EIF3A: variants seen among roughly 807,000 people sequenced by gnomAD.
EIF3A encodes eukaryotic translation initiation factor 3 subunit A.
In EIF3A, 21 loss-of-function variants were observed where a neutral mutation model predicts 186.6. The ratio of observed to expected loss-of-function variants is 0.11; its 90% confidence interval spans 0.08 to 0.16. The LOEUF is 0.16. Among genes scored for constraint, EIF3A ranks in the 10% least tolerant of loss-of-function variants. The pLI is 1.00. For missense variants in EIF3A, 1,306 were observed against 1,796.3 expected (o/e 0.73, Z 4.93); for synonymous variants, 563 against 584.3 (o/e 0.96, Z 0.52).
intron 6 of EIF3A, 37 bp from the exon 7 acceptor site, chr10:119,065,607 A>G (rs1277949347): frequency 9.6e-6 from 14 of 1,465,540 alleles, no homozygotes; most frequent in Non-Finnish European, 1.3e-5. Flanking sequence ...TTAGGTTTGT[A>G]AATGATACTT....
rs778067407 is a variant in EIF3A, at chr10:119,059,417, A to T, written c.1444-20T>A. On this transcript the variant is annotated intron_variant, in intron 10 of 21. Coordinates refer to ENST00000369144, the MANE Select transcript of EIF3A (RefSeq NM_003750.4). ...ACGAACCTTTGAAAATTAAATTATC[A>T]ATGGTTAAATCCACAAGTAAGCATG... The T allele has an allele frequency of 2.5e-5, 38 of 1,514,468 alleles. No homozygotes were observed. The South Asian group carries it at 4.5e-4, about 18-fold the overall frequency. 93.8% of individuals were successfully genotyped at this position (1,514,468 alleles called of 1,614,324 possible).
At chr10:119,038,580 G>A (rs1367685719) in intron 19 of EIF3A, 141 bp from the exon 20 acceptor site, 1 of 695,582 alleles carries the variant, frequency 1.4e-6, no homozygotes, top group African/African-American at 1.8e-5. Context: ...TACTAAAGCT[G>A]TGTACATCAC....
intron 8 of EIF3A, 126 bp from the exon 9 acceptor site, chr10:119,060,970 T>C: frequency 1.5e-6 from 1 of 676,142 alleles, no homozygotes; most frequent in South Asian, 2.1e-5. Context: ...AAATGTATCA[T>C]GAAGCTACTG....
intron 5 of EIF3A, 81 bp downstream of exon 5, chr10:119,070,805 A>C (rs536515980): frequency 3.1e-6 from 3 of 968,318 alleles, no homozygotes; most frequent in Non-Finnish European, 3.3e-6. Flanking sequence ...ATGCATACCA[A>C]GATGAAGCTA....
chr10:119,038,183 C>G (rs1432413967), intron 20 of EIF3A, 55 bp downstream of exon 20: 2 of 1,477,328 alleles, frequency 1.4e-6, no homozygotes, highest in Non-Finnish European at 1.9e-6. Context: ...GCTGGGATTA[C>G]AGGCATGAGC....
At chr10:119,054,471 T>C (rs997834886) in intron 14 of EIF3A, among the ~76,000 whole-genome samples, 5 of 151,286 alleles carry the variant, frequency 3.3e-5, no homozygotes, top group Admixed American at 2.6e-4. Context: ...TCCCAGCACT[T>C]TGGGAGGCCG....
intron 1 of EIF3A, among the ~76,000 whole-genome samples, chr10:119,077,469 T>C (rs1274602271): frequency 6.6e-6 from 1 of 152,054 alleles, no homozygotes; most frequent in Non-Finnish European, 1.5e-5. Context: ...AAATAAATAG[T>C]TGGAATGGGA....
chr10:119,037,054 C>G (rs549013373), intron 21 of EIF3A, 65 bp downstream of exon 21: 2 of 932,650 alleles, frequency 2.1e-6, no homozygotes, highest in Non-Finnish European at 1.5e-6. Flanking sequence ...AATTAAATAA[C>G]CCAAATCCCC....
intron 10 of EIF3A, 60 bp from the exon 11 acceptor site, chr10:119,059,457 C>A: frequency 7.4e-7 from 1 of 1,350,472 alleles, no homozygotes; most frequent in Non-Finnish European, 1.0e-6. Flanking sequence ...CAAAAAGTAA[C>A]AGAAGAATGT....
rs1393829422 is a variant in EIF3A, at chr10:119,056,869, A to G, written c.2083-16T>C. On this transcript the variant is annotated splice_polypyrimidine_tract_variant and intron_variant, in intron 13 of 21. Coordinates refer to ENST00000369144, the MANE Select transcript of EIF3A (RefSeq NM_003750.4). Reference sequence around the variant, plus strand: ...AATAGTCAATCTGAATGACACGAAAACACACGTAGTTTTAAAAAATCTCTC... The same window carrying G: ...AATAGTCAATCTGAATGACACGAAAGCACACGTAGTTTTAAAAAATCTCTC... 6.3e-7 allele frequency: 1 copy of G among 1,599,974 alleles called. No homozygotes were observed. Among genetic ancestry groups the G allele is most frequent in the African/African-American group, 1.3e-5 (1 of 74,582 alleles).
intron 7 of EIF3A, among the ~76,000 whole-genome samples, chr10:119,064,262 A>C (rs779945529): frequency 6.6e-6 from 1 of 152,192 alleles, no homozygotes; most frequent in African/African-American, 2.4e-5. Flanking sequence ...AAAGTTGAAA[A>C]TATTTTAGTT....
At chr10:119,080,581 G>A in intron 1 of EIF3A, 47 bp downstream of exon 1, 2 of 1,550,432 alleles carry the variant, frequency 1.3e-6, no homozygotes, top group Admixed American at 2.0e-5. Context: ...CTCGACCTCG[G>A]AGGCCTCGGG....
chr10:119,071,462 G>A (rs564782350), intron 4 of EIF3A, among the ~76,000 whole-genome samples: 5 of 152,130 alleles, frequency 3.3e-5, no homozygotes, highest in East Asian at 1.9e-4. Flanking sequence ...AAGAAACAAG[G>A]TTCTGTACTA....
At position 119,065,117 on chromosome 10, in the gene EIF3A, C is replaced by CTTATT. The variant is rs1442367184; in HGVS notation, c.1122+281_1122+282insAATAA. Among the ~76,000 whole-genome samples, 14 of 152,198 alleles carry CTTATT rather than the reference C, an allele frequency of 9.2e-5. 1 individual carries two copies. Among genetic ancestry groups the CTTATT allele is most frequent in the African/African-American group, 3.4e-4 (14 of 41,434 alleles). On this transcript the variant is annotated intron_variant, in intron 7 of 21. Transcript: ENST00000369144. ...AGAGCCTCCATGAAATAAGCCATGA[C>CTTATT]TCTTCTTGCCCATCATTACTTCTTC...
chr10:119,044,824 C>T (rs1289369118), intron 17 of EIF3A, among the ~76,000 whole-genome samples: 1 of 152,082 alleles, frequency 6.6e-6, no homozygotes, highest in Non-Finnish European at 1.5e-5. Flanking sequence ...CTCCAGCCTG[C>T]ACCAGAGCGC....
At chr10:119,051,074 T>C in intron 15 of EIF3A, 125 bp downstream of exon 15, 1 of 824,564 alleles carries the variant, frequency 1.2e-6, no homozygotes, top group Non-Finnish European at 1.8e-6. Flanking sequence ...CAAAAATTTC[T>C]ATTATTTGAA....
Position 119,064,071 on chromosome 10 carries a change from C to T in EIF3A, c.1122+1328G>A, listed in dbSNP as rs1041200945. Among the ~76,000 whole-genome samples the T allele has an allele frequency of 3.3e-5, 5 of 152,006 alleles. No individual in the cohort carries two copies. The South Asian group carries it at 6.2e-4, about 19-fold the overall frequency. On this transcript the variant is annotated intron_variant, in intron 7 of 21. Transcript: ENST00000369144. The stretch of plus-strand genomic sequence containing the variant: ...TCCAGCCTGAGCAACAGAGCTAGAC[C>T]CTGTCTCAAAAAACAACAACAACAC...
At chr10:119,063,925 C>T (rs1467674986) in intron 7 of EIF3A, among the ~76,000 whole-genome samples, 1 of 152,154 alleles carries the variant, frequency 6.6e-6, no homozygotes, top group East Asian at 1.9e-4. Context: ...TCCACTAAAA[C>T]TACAAAAAAC....
chr10:119,052,947 A>G (rs958742603), intron 14 of EIF3A, among the ~76,000 whole-genome samples: 6 of 152,236 alleles, frequency 3.9e-5, no homozygotes, highest in Non-Finnish European at 8.8e-5. Context: ...TTCTTAAATA[A>G]TAAGACTTGA....
Sources: gnomAD v4.1 joint callset for allele counts (sites outside exome capture counted in the v4.1 genomes callset) on GRCh38, gnomAD v4.1.1 for gene constraint, MANE v1.5 for transcripts, NCBI Gene and HGNC (gene_info 2026-07-23, HGNC 2026-07-21) for gene names.